Variants in STRN observed in about 807,000 individuals in gnomAD.
STRN encodes protein phosphatase 2 regulatory subunit B'''alpha.
In STRN, 53 loss-of-function variants were observed where a neutral mutation model predicts 96.3. The observed-to-expected ratio is 0.55, with a 90% CI of 0.44 to 0.69. STRN has a LOEUF of 0.69. Among genes scored for constraint, STRN ranks in the 30% least tolerant of loss-of-function variants. The pLI is 0.00. For synonymous variants in STRN, 428 were observed against 355.9 expected (o/e 1.20, Z -2.28); for missense variants, 987 against 963.9 (o/e 1.02, Z -0.32).
chr2:36,954,890 C>G (rs1367850176), intron 1 of STRN, among the ~76,000 whole-genome samples: 1 of 152,148 alleles, frequency 6.6e-6, no homozygotes, highest in African/African-American at 2.4e-5. Flanking sequence ...CCGCCAGCCT[C>G]AGCCTCCCAA....
chr2:36,874,723 A>C (rs909997853), intron 10 of STRN, among the ~76,000 whole-genome samples: 13 of 147,930 alleles, frequency 8.8e-5, no homozygotes, highest in Admixed American at 4.7e-4. Flanking sequence ...GAGTTAAAAA[A>C]AAAAAAAAAA....
intron 13 of STRN, among the ~76,000 whole-genome samples, chr2:36,859,101 G>A (rs1668417573): frequency 6.6e-6 from 1 of 152,200 alleles, no homozygotes; most frequent in Non-Finnish European, 1.5e-5. Context: ...GAAGTAGATG[G>A]GATGAGGGCA....
chr2:36,960,372 G>A (rs910736054), intron 1 of STRN, among the ~76,000 whole-genome samples: 1 of 152,140 alleles, frequency 6.6e-6, no homozygotes, highest in Admixed American at 6.5e-5. Context: ...ATATCTCTTA[G>A]TGCCTGGGTC....
At chr2:36,869,850 C>A in intron 10 of STRN, 121 bp from the exon 11 acceptor site, 2 of 785,092 alleles carry the variant, frequency 2.5e-6, no homozygotes, top group Non-Finnish European at 3.6e-6. Context: ...ATTTTTAAAA[C>A]AATATAATTT....
rs557880494 is a variant in STRN at position 36,868,067 on chromosome 2, A to G, written c.1500-206T>C. 2.6e-5 allele frequency among the ~76,000 whole-genome samples: 4 copies of G among 152,364 alleles called. No individual in the cohort carries two copies. The South Asian group carries it at 8.3e-4, about 32-fold the overall frequency. ...TCTTGTTTAGTAATAATATCATGTTACAGTATTTTTAGCCCTGTCATAATC... is the reference window on the plus strand; with the variant it reads ...TCTTGTTTAGTAATAATATCATGTTGCAGTATTTTTAGCCCTGTCATAATC... On this transcript the variant is annotated intron_variant, in intron 11 of 17. Coordinates refer to ENST00000263918, the MANE Select transcript of STRN (RefSeq NM_003162.4).
chr2:36,901,796 C>G (rs1468746636), intron 5 of STRN, among the ~76,000 whole-genome samples: 1 of 152,104 alleles, frequency 6.6e-6, no homozygotes, highest in Non-Finnish European at 1.5e-5. Context: ...TATAAAAGTC[C>G]TACAGTGAAC....
intron 1 of STRN, among the ~76,000 whole-genome samples, chr2:36,965,189 G>A (rs750817743): frequency 1.4e-4 from 22 of 152,162 alleles, no homozygotes; most frequent in Non-Finnish European, 2.5e-4. Flanking sequence ...CAAGTGTTTT[G>A]CCAACTAAAA....
At chr2:36,925,903 G>A (rs957006375) in intron 1 of STRN, among the ~76,000 whole-genome samples, 16 of 152,174 alleles carry the variant, frequency 1.1e-4, no homozygotes, top group Non-Finnish European at 2.1e-4. Context: ...AGTAAAATCA[G>A]TTCTTATAAT....
intron 14 of STRN, among the ~76,000 whole-genome samples, chr2:36,856,367 CA>C (rs1424007374): frequency 2.0e-5 from 3 of 151,944 alleles, no homozygotes; most frequent in African/African-American, 7.2e-5. Context: ...CAGCCTTGTT[CA>C]AAATAGCAAA....
intron 12 of STRN, among the ~76,000 whole-genome samples, chr2:36,866,420 A>C (rs936447459): frequency 6.6e-6 from 1 of 152,206 alleles, no homozygotes; most frequent in Non-Finnish European, 1.5e-5. Context: ...GCATGATTTC[A>C]GTTTTTCTAA....
chr2:36,876,161 T>A (rs1381217140), intron 10 of STRN, among the ~76,000 whole-genome samples: 1 of 150,308 alleles, frequency 6.7e-6, no homozygotes. Flanking sequence ...TCCCAGCTAC[T>A]TGGGAGGCTG....
intron 12 of STRN, among the ~76,000 whole-genome samples, chr2:36,862,430 A>C (rs1019650251): frequency 2.7e-4 from 41 of 152,104 alleles, no homozygotes; most frequent in Non-Finnish European, 2.9e-5. Flanking sequence ...TTGACCTTTT[A>C]ATAACAGCCA....
intron 15 of STRN, among the ~76,000 whole-genome samples, chr2:36,851,957 A>C (rs573467077): frequency 6.6e-6 from 1 of 152,366 alleles, no homozygotes; most frequent in East Asian, 1.9e-4. Flanking sequence ...TGTGTTAGTA[A>C]GTTCCAAAGA....
At chr2:36,910,822 C>G (rs566560885) in intron 3 of STRN, among the ~76,000 whole-genome samples, 1 of 152,178 alleles carries the variant, frequency 6.6e-6, no homozygotes, top group African/African-American at 2.4e-5. Flanking sequence ...AAATAACTAC[C>G]TGGCTTCTAA....
chr2:36,881,175 T>C (rs1048216596), intron 9 of STRN, among the ~76,000 whole-genome samples: 5 of 132,158 alleles, frequency 3.8e-5, no homozygotes, highest in Admixed American at 1.8e-4. Flanking sequence ...TCACCCAGAC[T>C]GAAGTGCAGT....
chr2:36,948,794 G>A (rs767647334), intron 1 of STRN, among the ~76,000 whole-genome samples: 15 of 152,226 alleles, frequency 9.9e-5, no homozygotes, highest in Non-Finnish European at 2.1e-4. Context: ...AATGAAAGCT[G>A]AGGGTATCCA....
intron 1 of STRN, among the ~76,000 whole-genome samples, chr2:36,956,915 G>A (rs1664902493): frequency 6.6e-6 from 1 of 152,146 alleles, no homozygotes; most frequent in African/African-American, 2.4e-5. Context: ...TTCTTCTACT[G>A]AACGCAGCCA....
intron 5 of STRN, among the ~76,000 whole-genome samples, chr2:36,901,579 T>A (rs1669685607): frequency 6.6e-6 from 1 of 150,960 alleles, no homozygotes; most frequent in Non-Finnish European, 1.5e-5. Flanking sequence ...ACATTTATAC[T>A]ATCTAAGTTA....
chr2:36,881,500 T>A (rs1487170580), intron 9 of STRN, among the ~76,000 whole-genome samples: 2 of 152,198 alleles, frequency 1.3e-5, no homozygotes, highest in Admixed American at 6.5e-5. Context: ...CATATGAACA[T>A]TCTTTCTGAA....
Sources: allele counts gnomAD v4.1 joint callset (sites outside exome capture counted in the v4.1 genomes callset), GRCh38; gene constraint gnomAD v4.1.1; transcripts MANE v1.5; gene names NCBI Gene and HGNC (gene_info 2026-07-23, HGNC 2026-07-21).